CSPP1: variants seen among roughly 807,000 people sequenced by gnomAD.
CSPP1 encodes the protein centrosome and spindle pole-associated protein 1.
CSPP1 carries 126 observed loss-of-function variants against 164.4 expected under a neutral mutation model. That is an observed-to-expected ratio of 0.77 (90% CI 0.66 to 0.89). CSPP1 has a LOEUF of 0.89. CSPP1 is among the 40% of genes least tolerant of loss of function. CSPP1 has a pLI of 0.00. For synonymous variants in CSPP1, 472 were observed against 476.7 expected (o/e 0.99, Z 0.13); for missense variants, 1,395 against 1,449.8 (o/e 0.96, Z 0.61).
At chr8:67,090,609 C>G (rs1262351548) in intron 4 of CSPP1, among the ~76,000 whole-genome samples, 1 of 152,174 alleles carries the variant, frequency 6.6e-6, no homozygotes, top group African/African-American at 2.4e-5. Flanking sequence ...TTATTAATCA[C>G]TTAGTTTTGC....
chr8:67,161,527 C>A (rs1416148000), intron 21 of CSPP1, among the ~76,000 whole-genome samples: 2 of 151,680 alleles, frequency 1.3e-5, no homozygotes, highest in Admixed American at 1.3e-4. Flanking sequence ...TATATTTTTT[C>A]TTTTTTGTTG....
chr8:67,095,081 T>G (rs1812469032), intron 6 of CSPP1, among the ~76,000 whole-genome samples: 1 of 152,188 alleles, frequency 6.6e-6, no homozygotes, highest in South Asian at 2.1e-4. Context: ...ATTCCCCTGT[T>G]GATGGACATT....
chr8:67,078,266 A>G (rs1194750544), intron 3 of CSPP1, among the ~76,000 whole-genome samples: 2 of 152,114 alleles, frequency 1.3e-5, no homozygotes, highest in African/African-American at 2.4e-5. Flanking sequence ...AAAAGTCGTT[A>G]TGGGCGAAAG....
At chr8:67,064,605 G>A (rs1805127543) in intron 1 of CSPP1, 67 bp downstream of exon 1, 1 of 1,439,036 alleles carries the variant, frequency 6.9e-7, no homozygotes, top group East Asian at 2.6e-5. Flanking sequence ...CCCCGGAGCG[G>A]GGGCAGGGGC....
intron 28 of CSPP1, among the ~76,000 whole-genome samples, chr8:67,184,558 C>G (rs1833901455): frequency 6.7e-6 from 1 of 150,340 alleles, no homozygotes; most frequent in Admixed American, 6.6e-5. Flanking sequence ...GTCAACATCT[C>G]TACTAAAAAT....
In CSPP1 at chr8:67,113,870, T is replaced by G; in HGVS notation, c.1245+8T>G. 1 of 1,544,476 alleles carries G rather than the reference T, an allele frequency of 6.5e-7. No homozygotes were observed. Among genetic ancestry groups the G allele is most frequent in the Non-Finnish European group, 8.9e-7 (1 of 1,124,666 alleles). The stretch of plus-strand genomic sequence containing the variant: ...CAAGACCCTGAGAAATCGGTAAGGG[T>G]TTCTGGCATCTTTTAATGTTTAATC... On this transcript the variant is annotated splice_region_variant and intron_variant, in intron 11 of 30. Coordinates refer to ENST00000678616, the MANE Select transcript of CSPP1 (RefSeq NM_001382391.1).
intron 17 of CSPP1, among the ~76,000 whole-genome samples, chr8:67,138,674 A>G (rs1367681879): frequency 6.6e-6 from 1 of 152,154 alleles, no homozygotes. Flanking sequence ...GAGTGATAGA[A>G]TCGGAAGATT....
At position 67,137,503 on chromosome 8, in the gene CSPP1, A is replaced by G. The variant is rs1320611050; in HGVS notation, c.1875A>G (p.Glu625=). ...ERRKKEREEK[E]EYEAKLEAEM... Reference sequence around the variant, plus strand: ...GGAAGAAAGAACGTGAAGAAAAAGAAGAATATGAAGCTAAATTAGAAGCTG... The same window carrying G: ...GGAAGAAAGAACGTGAAGAAAAAGAGGAATATGAAGCTAAATTAGAAGCTG... The change falls in exon 17 of 31, where the codon GAA becomes GAG. Residue 625 remains glutamate, a synonymous_variant. Coordinates refer to ENST00000678616, the MANE Select transcript of CSPP1 (RefSeq NM_001382391.1). 3.2e-6 allele frequency: 5 copies of G among 1,566,924 alleles called. No homozygotes were observed. The highest frequency in any genetic ancestry group is 1.8e-5 in the Admixed American group (1 of 56,914).
intron 24 of CSPP1, among the ~76,000 whole-genome samples, chr8:67,165,200 C>T (rs1055643158): frequency 4.6e-5 from 7 of 152,096 alleles, no homozygotes; most frequent in Non-Finnish European, 7.4e-5. Context: ...AGGAGAATGG[C>T]GTGAACCCAG....
chr8:67,150,633 C>T (rs371282957), intron 18 of CSPP1, among the ~76,000 whole-genome samples: 1 of 152,122 alleles, frequency 6.6e-6, no homozygotes, highest in African/African-American at 2.4e-5. Context: ...GAACTTCTGA[C>T]CTTGTGATCC....
intron 23 of CSPP1, 29 bp from the exon 24 acceptor site, chr8:67,164,362 G>C (rs1195088905): frequency 9.7e-7 from 1 of 1,027,776 alleles, no homozygotes; most frequent in Non-Finnish European, 1.5e-6. Flanking sequence ...TTCCTGTCTT[G>C]TGTTTTACTT....
intron 2 of CSPP1, 110 bp from the exon 3 acceptor site, chr8:67,076,372 A>G (rs776315108): frequency 2.5e-5 from 13 of 526,996 alleles, no homozygotes; most frequent in Admixed American, 7.5e-5. Context: ...AATTTCTTCT[A>G]TGATGTACTG....
At chr8:67,186,330 T>C (rs1834563423) in intron 28 of CSPP1, among the ~76,000 whole-genome samples, 1 of 151,698 alleles carries the variant, frequency 6.6e-6, no homozygotes, top group Non-Finnish European at 1.5e-5. Context: ...TGGAATGTTA[T>C]GATAGGCCAT....
intron 25 of CSPP1, 68 bp from the exon 26 acceptor site, chr8:67,175,228 T>G: frequency 8.5e-7 from 1 of 1,174,818 alleles, no homozygotes; most frequent in Non-Finnish European, 1.2e-6. Context: ...TTACTTACAG[T>G]GAAGTTTTAC....
At chr8:67,078,205 T>C (rs564015962) in intron 3 of CSPP1, among the ~76,000 whole-genome samples, 10 of 152,344 alleles carry the variant, frequency 6.6e-5, no homozygotes, top group African/African-American at 2.4e-4. Flanking sequence ...GATGCCTTTA[T>C]GACCTGTCAG....
chr8:67,118,068 T>A (rs1268927970), intron 13 of CSPP1, among the ~76,000 whole-genome samples, 180 bp from the exon 14 acceptor site: 1 of 152,216 alleles, frequency 6.6e-6, no homozygotes, highest in Non-Finnish European at 1.5e-5. Flanking sequence ...TGTGAAATCC[T>A]ATGTAATAGT....
chr8:67,161,821 A>G lies in CSPP1; in HGVS notation c.2549A>G (p.Gln850Arg), dbSNP rs1418461163. The G allele has an allele frequency of 6.2e-7, 1 of 1,612,082 alleles. No individual in the cohort carries two copies. The highest frequency in any genetic ancestry group is 8.5e-7 in the Non-Finnish European group (1 of 1,178,854). ...LIGEETKHMR[Q>R]PSPIVPALQN... ...TTTTAAATTTTTCAGCACATGAGAC[A>G]GCCTTCTCCTATAGTTCCTGCTCTT... Residue 850 changes from glutamine to arginine, a missense_variant, in exon 22 of 31, where the codon CAG becomes CGG. Transcript: ENST00000678616.
At chr8:67,144,296 G>A (rs888082022) in intron 17 of CSPP1, among the ~76,000 whole-genome samples, 6 of 152,104 alleles carry the variant, frequency 3.9e-5, no homozygotes, top group Admixed American at 1.3e-4. Flanking sequence ...TCTTTTATAC[G>A]TGTTGTAGAA....
rs1585954984 is a variant in CSPP1 at position 67,087,726 on chromosome 8, TAG to T, written c.303+1617_303+1618del. Among the ~76,000 whole-genome samples, 4 of 152,272 alleles carry T rather than the reference TAG, an allele frequency of 2.6e-5. No individual in the cohort carries two copies. In the East Asian group the frequency reaches 7.7e-4, roughly 29 times the overall value. On this transcript the variant is annotated intron_variant, in intron 4 of 30. Coordinates refer to ENST00000678616, the MANE Select transcript of CSPP1 (RefSeq NM_001382391.1). ...GAGTAGTAAGAAATAATGATGTATATAGGATAGGATCAAATTAGAAGGCAGTG... is the reference window on the plus strand; with the variant it reads ...GAGTAGTAAGAAATAATGATGTATATGATAGGATCAAATTAGAAGGCAGTG...
Sources: gnomAD v4.1 joint callset for allele counts (sites outside exome capture counted in the v4.1 genomes callset) on GRCh38, gnomAD v4.1.1 for gene constraint, MANE v1.5 for transcripts, NCBI Gene and HGNC (gene_info 2026-07-23, HGNC 2026-07-21) for gene names.